Variants in CTNND2 observed in about 807,000 individuals in gnomAD.
CTNND2 encodes catenin delta-2.
A neutral mutation model predicts 144.4 loss-of-function variants in CTNND2; 22 were observed. The ratio of observed to expected loss-of-function variants is 0.15; its 90% CI spans 0.11 to 0.22. The LOEUF is 0.22. Among genes scored for constraint, CTNND2 ranks in the 10% least tolerant of loss-of-function variants. The pLI, the probability that CTNND2 is intolerant of heterozygous loss-of-function variation, is 1.00. For synonymous variants in CTNND2, 751 were observed against 695.6 expected, an observed-to-expected ratio of 1.08 and a Z score of -1.25; for missense variants, 1,353 against 1,618.8, an observed-to-expected ratio of 0.84 and a Z score of 2.82.
chr5:11,723,434 T>C (rs1003634997), intron 2 of CTNND2, among the ~76,000 whole-genome samples: 10 of 152,158 alleles, frequency 6.6e-5, no homozygotes, highest in African/African-American at 2.2e-4. Context: ...TCTGAAGCGA[T>C]ATGCAGGCAG....
chr5:11,854,540 C>A (rs1228249750), intron 1 of CTNND2, among the ~76,000 whole-genome samples: 1 of 152,072 alleles, frequency 6.6e-6, no homozygotes, highest in Non-Finnish European at 1.5e-5. Context: ...TGATATATTC[C>A]AAGAATCTAG....
intron 9 of CTNND2, among the ~76,000 whole-genome samples, chr5:11,311,332 C>A (rs481118): frequency 2.8e-5 from 2 of 71,070 alleles, no homozygotes; most frequent in Admixed American, 1.3e-4. Flanking sequence ...CCCACATGCC[C>A]TCACACTCCC....
chr5:11,085,703 T>C (rs902631794), intron 15 of CTNND2, among the ~76,000 whole-genome samples: 5 of 152,182 alleles, frequency 3.3e-5, no homozygotes, highest in African/African-American at 1.2e-4. Context: ...CCCTAGTCAA[T>C]ACAGAGCCTC....
chr5:11,750,927 T>C (rs1011355684), intron 1 of CTNND2, among the ~76,000 whole-genome samples: 2 of 151,876 alleles, frequency 1.3e-5, no homozygotes, highest in Non-Finnish European at 2.9e-5. Flanking sequence ...TTGTGATATA[T>C]GGTTTAAGCA....
At chr5:11,562,996 C>G (rs890182623) in intron 3 of CTNND2, among the ~76,000 whole-genome samples, 1 of 151,498 alleles carries the variant, frequency 6.6e-6, no homozygotes, top group South Asian at 2.1e-4. Context: ...CACTAGCACA[C>G]AAGCCACTAT....
intron 3 of CTNND2, among the ~76,000 whole-genome samples, chr5:11,466,848 G>A (rs1766723157): frequency 6.6e-6 from 1 of 152,148 alleles, no homozygotes; most frequent in South Asian, 2.1e-4. Context: ...CTGGGAAAAC[G>A]ATGTTCTATG....
intron 20 of CTNND2, among the ~76,000 whole-genome samples, chr5:10,986,004 T>C (rs908922752): frequency 2.0e-5 from 3 of 152,178 alleles, no homozygotes; most frequent in African/African-American, 4.8e-5. Flanking sequence ...ATAGCACCCA[T>C]TGGCTTTAGA....
chr5:11,518,229 G>C (rs1271709816), intron 3 of CTNND2, among the ~76,000 whole-genome samples: 1 of 152,100 alleles, frequency 6.6e-6, no homozygotes, highest in Non-Finnish European at 1.5e-5. Context: ...AGGTGTGCTT[G>C]TGTCTTAGTT....
intron 3 of CTNND2, among the ~76,000 whole-genome samples, chr5:11,433,447 T>C (rs1255551079): frequency 6.6e-6 from 1 of 152,104 alleles, no homozygotes; most frequent in East Asian, 1.9e-4. Flanking sequence ...CTTGCACTGT[T>C]AAAAGGAAAT....
intron 3 of CTNND2, among the ~76,000 whole-genome samples, chr5:11,522,437 A>G (rs913643208): frequency 8.5e-5 from 13 of 152,124 alleles, no homozygotes; most frequent in African/African-American, 3.1e-4. Flanking sequence ...CCCATCATCA[A>G]AATCTGGTGT....
intron 9 of CTNND2, among the ~76,000 whole-genome samples, chr5:11,317,182 A>T (rs1190339607): frequency 6.6e-6 from 1 of 152,230 alleles, no homozygotes; most frequent in East Asian, 1.9e-4. Flanking sequence ...TCCGCATCTT[A>T]CAGGTTAAGA....
rs1168455814 is a variant in CTNND2, at chr5:11,404,489, C to T, written c.439+7047G>A. On this transcript the variant is annotated intron_variant, in intron 5 of 21. Transcript: ENST00000304623. ...ACAAAATAAATGACTGGAACATCCA[C>T]CTGTGCCTACAGTGATATAACAAAA... Among the ~76,000 whole-genome samples the T allele has an allele frequency of 4.6e-5, 7 of 151,822 alleles. No individual in the cohort carries two copies. The East Asian group carries it at 1.4e-3, about 29-fold the overall frequency.
At chr5:11,135,681 A>G (rs909674675) in intron 12 of CTNND2, among the ~76,000 whole-genome samples, 3 of 152,180 alleles carry the variant, frequency 2.0e-5, no homozygotes, top group Non-Finnish European at 4.4e-5. Flanking sequence ...TCCAACTCCA[A>G]AGAAAATTAG....
At chr5:11,304,193 C>T (rs1416850656) in intron 9 of CTNND2, among the ~76,000 whole-genome samples, 5 of 152,068 alleles carry the variant, frequency 3.3e-5, no homozygotes, top group Non-Finnish European at 5.9e-5. Flanking sequence ...AATACAAATG[C>T]TATCTGACTT....
intron 1 of CTNND2, among the ~76,000 whole-genome samples, chr5:11,814,289 CAT>C (rs1332437109): frequency 6.6e-6 from 1 of 152,196 alleles, no homozygotes; most frequent in African/African-American, 2.4e-5. Context: ...TCATGAATCT[CAT>C]ATATAAAACT....
intron 18 of CTNND2, among the ~76,000 whole-genome samples, chr5:10,999,949 G>A (rs1739753919): frequency 6.6e-6 from 1 of 152,176 alleles, no homozygotes; most frequent in African/African-American, 2.4e-5. Flanking sequence ...ATCGGGCGAT[G>A]TTCATCCCCA....
chr5:11,818,787 T>A (rs1793155406), intron 1 of CTNND2, among the ~76,000 whole-genome samples: 1 of 152,102 alleles, frequency 6.6e-6, no homozygotes, highest in Non-Finnish European at 1.5e-5. Flanking sequence ...ATGTCACACA[T>A]CCACCAGGAA....
chr5:11,085,034 G>A (rs1297688061), intron 15 of CTNND2, among the ~76,000 whole-genome samples: 2 of 152,094 alleles, frequency 1.3e-5, no homozygotes, highest in African/African-American at 2.4e-5. Flanking sequence ...CATCTGAAAT[G>A]AGCCAAGAAT....
At chr5:11,052,699 T>C (rs929883535) in intron 16 of CTNND2, among the ~76,000 whole-genome samples, 1 of 151,998 alleles carries the variant, frequency 6.6e-6, no homozygotes, top group African/African-American at 2.4e-5. Flanking sequence ...CAGTAAGAAA[T>C]AAATTCAGCT....
Sources: allele counts gnomAD v4.1 joint callset (sites outside exome capture counted in the v4.1 genomes callset), GRCh38; gene constraint gnomAD v4.1.1; transcripts MANE v1.5; gene names NCBI Gene and HGNC (gene_info 2026-07-23, HGNC 2026-07-21).